EFCAB6: variants seen among roughly 807,000 people sequenced by gnomAD.
EFCAB6 encodes the protein EF-hand calcium-binding domain-containing protein 6.
Under a neutral mutation model 169.8 loss-of-function variants are expected in EFCAB6, and 156 were observed. That is an observed-to-expected ratio of 0.92 (90% confidence interval 0.81 to 1.05). EFCAB6 has a LOEUF of 1.05. EFCAB6 is among the 50% of genes least tolerant of loss of function. The pLI, the probability that EFCAB6 is intolerant of heterozygous loss-of-function variation, is 0.00. For missense variants in EFCAB6, 1,800 were observed against 1,829.1 expected (o/e 0.98, Z 0.29); for synonymous variants, 698 against 676.4 (o/e 1.03, Z -0.50).
chr22:43,570,914 G>A (rs1051818180), intron 26 of EFCAB6, among the ~76,000 whole-genome samples: 1 of 152,228 alleles, frequency 6.6e-6, no homozygotes, highest in Non-Finnish European at 1.5e-5. Flanking sequence ...CCCCACCATG[G>A]AGCCCTGGGG....
In EFCAB6 at chr22:43,530,840, A is replaced by C. The variant is rs778101008; in HGVS notation, c.4358T>G (p.Leu1453Arg). Residue 1453 changes from leucine (L) to arginine (R), a missense_variant, in exon 31 of 32, where the codon CTG becomes CGG. Physicochemically the swap from Leu to Arg is moderately radical, Grantham distance 102. Transcript: ENST00000262726. ...CGTCCTGAAATCTGCGACGCTTAGC[A>C]GCCCTGTTCCAGCCTCATCATAGCT... ...FKSYDEAGTG[L>R]LSVADFRTVL... is the part of the protein sequence containing the mutation. 4 of 1,614,038 alleles carry C rather than the reference A, an allele frequency of 2.5e-6. No homozygotes were observed. The highest frequency in any genetic ancestry group is 3.4e-6 in the Non-Finnish European group (4 of 1,180,050).
rs1238691388 is a variant in EFCAB6 at position 43,628,903 on chromosome 22, T to C, written c.2233-2224A>G. 6.6e-6 allele frequency among the ~76,000 whole-genome samples: 1 copy of C among 152,164 alleles called. No homozygotes were observed. Among genetic ancestry groups the C allele is most frequent in the Non-Finnish European group, 1.5e-5 (1 of 68,026 alleles). ...GTCTGGGCTCTGATCTGTTCCCTGT[T>C]GCAGCTCCAGCTCTCCGAGCCATGC... On this transcript the variant is annotated intron_variant, in intron 19 of 31. Transcript: ENST00000262726. This position sits in a 1 kb window ranked among gnomAD's most constrained non-coding sequence, Gnocchi z 4.8.
At chr22:43,719,750 C>T (rs541968538) in intron 8 of EFCAB6, among the ~76,000 whole-genome samples, 1 of 152,158 alleles carries the variant, frequency 6.6e-6, no homozygotes, top group Non-Finnish European at 1.5e-5. Context: ...CATGGAACTG[C>T]TACCTGGATT....
intron 21 of EFCAB6, among the ~76,000 whole-genome samples, chr22:43,613,448 A>G (rs1019852786): frequency 6.6e-6 from 1 of 152,172 alleles, no homozygotes; most frequent in Admixed American, 6.5e-5. Context: ...GAATAAGATC[A>G]TGTCCTTTGC....
rs1265064687 is a variant in EFCAB6 at position 43,678,076 on chromosome 22, G to C, written c.1339C>G (p.Leu447Val). The change falls in exon 13 of 32, where the codon CTA becomes GTA. Residue 447 changes from leucine (L) to valine (V), a missense_variant. By Grantham distance (32) the Leu-to-Val change is conservative. Transcript: ENST00000262726. ...VKLSDSEFKE[L>V]MQMLDPGDTG... ...TCCCCAGGGTCAAGCATTTGCATTA[G>C]TTCTTTGAATTCTGAATCGCTTAGT... is the stretch of plus-strand genomic sequence containing the variant. 1.2e-6 allele frequency: 2 copies of C among 1,613,140 alleles called. No homozygotes were observed. The highest frequency in any genetic ancestry group is 1.7e-5 in the Admixed American group (1 of 59,862).
chr22:43,555,573 G>A (rs1442435089), intron 26 of EFCAB6, among the ~76,000 whole-genome samples: 1 of 152,224 alleles, frequency 6.6e-6, no homozygotes, highest in Admixed American at 6.5e-5. Flanking sequence ...TTTGATGACT[G>A]CTGTGCCATT....
chr22:43,733,586 C>T lies in EFCAB6; in HGVS notation c.645-1775G>A, dbSNP rs146552854. Reference sequence around the variant, plus strand: ...GTCATCAGAGGGTAAAGGGCATTCACGGAGTCTTTATGATGATGAGATGGT... The same window carrying T: ...GTCATCAGAGGGTAAAGGGCATTCATGGAGTCTTTATGATGATGAGATGGT... On this transcript the variant is annotated intron_variant, in intron 7 of 31. Coordinates refer to ENST00000262726, the MANE Select transcript of EFCAB6 (RefSeq NM_022785.4). Among the ~76,000 whole-genome samples the T allele has an allele frequency of 1.3e-4, 20 of 152,234 alleles. No homozygotes were observed. In the East Asian group the frequency reaches 1.9e-3, roughly 15 times the overall value.
intron 26 of EFCAB6, chr22:43,570,246 T>A (rs1418388774): frequency 3.3e-5 from 5 of 152,176 alleles, no homozygotes; most frequent in Non-Finnish European, 7.3e-5. Context: ...TGTGACAAAA[T>A]AATTACTCTG....
At chr22:43,687,447 GT>G (rs35384776) in intron 11 of EFCAB6, 23 bp downstream of exon 11, 51,962 of 819,138 alleles carry the variant, frequency 0.063, 11 homozygotes, top group East Asian at 0.097. Flanking sequence ...ACTAAAATTT[GT>G]TTTTTTTTTT....
At chr22:43,555,312 C>T (rs889021471) in intron 26 of EFCAB6, among the ~76,000 whole-genome samples, 6 of 152,164 alleles carry the variant, frequency 3.9e-5, no homozygotes, top group East Asian at 1.9e-4. Context: ...AAGGATCCAG[C>T]GAGTTCCCCA....
intron 30 of EFCAB6, among the ~76,000 whole-genome samples, chr22:43,531,173 A>G (rs1014134115): frequency 6.6e-6 from 1 of 152,152 alleles, no homozygotes; most frequent in African/African-American, 2.4e-5. Context: ...GCTGTTTAAA[A>G]ACGTGTATTA....
chr22:43,736,462 G>A lies in EFCAB6; in HGVS notation c.508-469C>T, dbSNP rs567597312. Among the ~76,000 whole-genome samples, 14 of 152,224 alleles carry A rather than the reference G, an allele frequency of 9.2e-5. No individual in the cohort carries two copies. In the South Asian group the frequency reaches 2.1e-3, roughly 23 times the overall value. On this transcript the variant is annotated intron_variant, in intron 6 of 31. Coordinates refer to ENST00000262726, the MANE Select transcript of EFCAB6 (RefSeq NM_022785.4). ...AGATATCACAGGAAAGTTTTGTAGC[G>A]ACTTCTCCAAATTCAGCAAATGATA...
At chr22:43,763,736 C>G (rs1176512354) in intron 5 of EFCAB6, among the ~76,000 whole-genome samples, 1 of 151,438 alleles carries the variant, frequency 6.6e-6, no homozygotes, top group Non-Finnish European at 1.5e-5. Context: ...TTTCAATGAA[C>G]TAGATAGTGT....
intron 26 of EFCAB6, chr22:43,570,214 A>C (rs2049762276): frequency 6.6e-6 from 1 of 152,180 alleles, no homozygotes. Flanking sequence ...GAAAGATCTC[A>C]TTGGCTCTCT....
chr22:43,800,398 C>A (rs1439774019), intron 2 of EFCAB6, among the ~76,000 whole-genome samples: 2 of 152,186 alleles, frequency 1.3e-5, no homozygotes, highest in African/African-American at 4.8e-5. Context: ...GAATAGATAA[C>A]TTCGATGCAA....
intron 27 of EFCAB6, among the ~76,000 whole-genome samples, chr22:43,546,778 C>T (rs2048081417): frequency 6.6e-6 from 1 of 151,050 alleles, no homozygotes; most frequent in African/African-American, 2.4e-5. Context: ...GAGGCTGAGG[C>T]AAGAGAATCA....
chr22:43,666,952 G>A lies in EFCAB6; in HGVS notation c.1983+152C>T, dbSNP rs144446926. 9 of 864,230 alleles carry A rather than the reference G, an allele frequency of 1.0e-5. No individual in the cohort carries two copies. The Admixed American group carries it at 2.7e-4, about 26-fold the overall frequency. 53.5% of individuals were successfully genotyped at this position (864,230 alleles called of 1,614,324 possible). ...GAAATGTGCCAATGACAATTTTTTG[G>A]CCAAAAAAAAAAATCCTTTTAAATT... On this transcript the variant is annotated intron_variant, in intron 17 of 31. Coordinates refer to ENST00000262726, the MANE Select transcript of EFCAB6 (RefSeq NM_022785.4).
intron 18 of EFCAB6, 97 bp downstream of exon 18, chr22:43,635,005 G>A (rs2055274096): frequency 6.8e-6 from 6 of 882,232 alleles, no homozygotes; most frequent in Admixed American, 1.9e-5. Flanking sequence ...CTCAGCTTGT[G>A]CTACTTCAAC....
intron 8 of EFCAB6, among the ~76,000 whole-genome samples, chr22:43,724,370 T>TC (rs2059645536): frequency 7.0e-6 from 1 of 142,524 alleles, no homozygotes; most frequent in Non-Finnish European, 1.5e-5. Context: ...CTTTTTTCTT[T>TC]TTTTTTTTTT....
Sources: gnomAD v4.1 joint callset for allele counts (sites outside exome capture counted in the v4.1 genomes callset) on GRCh38, gnomAD v4.1.1 for gene constraint, Gnocchi (gnomAD v3.1) non-coding constraint, MANE v1.5 for transcripts, NCBI Gene and HGNC (gene_info 2026-07-23, HGNC 2026-07-21) for gene names.